The following MTA3 variants were observed in gnomAD, a reference collection of about 807,000 sequenced individuals.
The protein encoded by MTA3 is metastasis associated 1 family member 3.
MTA3 carries 34 observed loss-of-function variants against 83.5 expected under a neutral mutation model. The ratio of observed to expected loss-of-function variants is 0.41; its 90% CI spans 0.31 to 0.54. The LOEUF is 0.54. Among genes scored for constraint, MTA3 ranks in the 20% least tolerant of loss-of-function variants. MTA3 has a pLI of 0.33. For missense variants in MTA3, 761 were observed against 726.4 expected (o/e 1.05, Z -0.55); for synonymous variants, 303 against 252.7 (o/e 1.20, Z -1.89).
At chr2:42,564,686 C>A (rs574341594), upstream of MTA3, among the ~76,000 whole-genome samples, 9 of 152,308 alleles carry the variant, frequency 5.9e-5, no homozygotes, top group Admixed American at 5.9e-4. Context: ...AGCCTGGCCT[C>A]TGGTTTCAGA....
chr2:42,541,893 G>T (rs894355598), intron 2 of MTA3, among the ~76,000 whole-genome samples: 2 of 152,146 alleles, frequency 1.3e-5, no homozygotes, highest in Non-Finnish European at 2.9e-5. Context: ...ATTAGAGAGG[G>T]CTCTGTGGCT....
intron 3 of MTA3, among the ~76,000 whole-genome samples, chr2:42,602,613 G>T (rs1276103811): frequency 6.6e-6 from 1 of 152,056 alleles, no homozygotes; most frequent in Non-Finnish European, 1.5e-5. Flanking sequence ...TGCTTCATTT[G>T]GGTAATATGA....
At chr2:42,599,789 G>C (rs1256238419) in intron 3 of MTA3, among the ~76,000 whole-genome samples, 1 of 151,946 alleles carries the variant, frequency 6.6e-6, no homozygotes. Context: ...TGACTCATTT[G>C]GTGGGTTTTT....
At chr2:42,715,329 A>C (rs994047251) in intron 14 of MTA3, among the ~76,000 whole-genome samples, 2 of 151,902 alleles carry the variant, frequency 1.3e-5, no homozygotes, top group African/African-American at 4.8e-5. Flanking sequence ...TCTTATGTTA[A>C]AGAGTGACTA....
intron 11 of MTA3, among the ~76,000 whole-genome samples, chr2:42,700,635 G>T (rs1227635961): frequency 6.6e-6 from 1 of 151,914 alleles, no homozygotes; most frequent in African/African-American, 2.4e-5. Flanking sequence ...GTAAACCTCT[G>T]GCCAGTCATT....
At chr2:42,698,755 C>T (rs1303900225) in intron 11 of MTA3, among the ~76,000 whole-genome samples, 1 of 152,122 alleles carries the variant, frequency 6.6e-6, no homozygotes, top group African/African-American at 2.4e-5. Context: ...GAGGAGGCCT[C>T]ATAGACAATG....
At chr2:42,554,078 A>T (rs190171839) in intron 2 of MTA3, among the ~76,000 whole-genome samples, 1 of 151,996 alleles carries the variant, frequency 6.6e-6, no homozygotes, top group Non-Finnish European at 1.5e-5. Context: ...TACCAAAAAT[A>T]CAAAAATTAG....
chr2:42,583,513 T>TA (rs1679902522), intron 3 of MTA3, among the ~76,000 whole-genome samples: 1 of 152,146 alleles, frequency 6.6e-6, no homozygotes, highest in African/African-American at 2.4e-5. Context: ...TTTTTCCATT[T>TA]AAAAAACTCT....
intron 8 of MTA3, among the ~76,000 whole-genome samples, chr2:42,672,323 T>C (rs1279469396): frequency 1.3e-5 from 2 of 148,208 alleles, no homozygotes; most frequent in Non-Finnish European, 3.0e-5. Context: ...TGAGTCAACA[T>C]AGTAAGTCCT....
Position 42,644,236 on chromosome 2 carries a change from T to A in MTA3, c.491T>A (p.Leu164Gln), listed in dbSNP as rs761564354. The change falls in exon 6 of 17, where the codon CTG becomes CAG. Residue 164 changes from leucine (L) to glutamine (Q), a missense_variant. Physicochemically the swap from Leu to Gln is moderately radical, Grantham distance 113. Coordinates refer to ENST00000405094, the MANE Select transcript of MTA3 (RefSeq NM_001330442.2). ...TATCAAGCAGACATTCCAGAAATGC[T>A]GTTAGAAGGTACGTTTTTCTGCGTG... Reference protein sequence around the residue: ...PRYQADIPEMLLEGESDEREQ... With the variant: ...PRYQADIPEMQLEGESDEREQ... 2.5e-6 allele frequency: 4 copies of A among 1,605,360 alleles called. No homozygotes were observed. The African/African-American group carries it at 4.0e-5, about 16-fold the overall frequency.
intron 2 of MTA3, among the ~76,000 whole-genome samples, chr2:42,574,748 C>T (rs910206366): frequency 5.9e-5 from 9 of 152,142 alleles, no homozygotes; most frequent in South Asian, 2.1e-4. Flanking sequence ...TTTTTGTAGA[C>T]GTGGTCTTAC....
At chr2:42,496,650 C>T (rs1227752159) in intron 2 of MTA3, among the ~76,000 whole-genome samples, 2 of 149,586 alleles carry the variant, frequency 1.3e-5, no homozygotes, top group Admixed American at 6.6e-5. Flanking sequence ...CCATTTTTTC[C>T]TCCCCTCCGA....
intron 14 of MTA3, among the ~76,000 whole-genome samples, chr2:42,709,835 T>G (rs1271938282): frequency 1.3e-5 from 2 of 152,268 alleles, no homozygotes; most frequent in East Asian, 3.8e-4. Flanking sequence ...TTTACATGAC[T>G]TACTACTCTT....
intron 8 of MTA3, among the ~76,000 whole-genome samples, chr2:42,674,289 A>G (rs1181293329): frequency 1.3e-5 from 2 of 152,258 alleles, no homozygotes; most frequent in East Asian, 1.9e-4. Flanking sequence ...TTGCTGAACA[A>G]TAGTCCAATC....
At chr2:42,507,801 C>G (rs1674703836) in intron 2 of MTA3, among the ~76,000 whole-genome samples, 1 of 151,734 alleles carries the variant, frequency 6.6e-6, no homozygotes, top group African/African-American at 2.4e-5. Flanking sequence ...CACGGGGGCG[C>G]ACACCTGTAG....
chr2:42,508,374 C>A (rs1384826825), intron 2 of MTA3, among the ~76,000 whole-genome samples: 1 of 152,132 alleles, frequency 6.6e-6, no homozygotes, highest in Non-Finnish European at 1.5e-5. Context: ...CTTTGCCACC[C>A]AGGCTGGAGT....
chr2:42,677,861 G>C (rs1025107649), intron 8 of MTA3, among the ~76,000 whole-genome samples: 4 of 152,102 alleles, frequency 2.6e-5, no homozygotes, highest in Non-Finnish European at 5.9e-5. Flanking sequence ...AATACAGTGC[G>C]CTCCCTCCCT....
intron 3 of MTA3, among the ~76,000 whole-genome samples, chr2:42,607,377 CTTTA>C (rs533369364): frequency 2.6e-5 from 4 of 152,134 alleles, no homozygotes; most frequent in South Asian, 2.1e-4. Context: ...CATTGTTCAA[CTTTA>C]TTTATTTATT....
intron 15 of MTA3, 109 bp downstream of exon 15, chr2:42,719,183 C>T (rs1021408423): frequency 7.9e-6 from 6 of 755,532 alleles, no homozygotes; most frequent in Non-Finnish European, 1.3e-5. Context: ...CTTCAAATAG[C>T]CGAAATTGGA....
Sources: allele counts gnomAD v4.1 joint callset (sites outside exome capture counted in the v4.1 genomes callset), GRCh38; gene constraint gnomAD v4.1.1; transcripts MANE v1.5; gene names NCBI Gene and HGNC (gene_info 2026-07-23, HGNC 2026-07-21).